The following CPEB3 variants were observed in gnomAD, a reference collection of about 807,000 sequenced individuals.
The protein encoded by CPEB3 is cytoplasmic polyadenylation element-binding protein 3.
CPEB3 carries 20 observed loss-of-function variants against 67.2 expected under a neutral mutation model. The observed-to-expected ratio is 0.30, with a 90% confidence interval of 0.21 to 0.43. CPEB3 has a LOEUF of 0.43. Ranked by LOEUF, CPEB3 falls within the 20% of genes least tolerant of loss-of-function variation. CPEB3 has a pLI of 1.00. For synonymous variants in CPEB3, 376 were observed against 393.1 expected, an observed-to-expected ratio of 0.96 and a Z score of 0.51; for missense variants, 746 against 968.6, an observed-to-expected ratio of 0.77 and a Z score of 3.05.
At chr10:92,112,527 G>C (rs1271361787) in intron 6 of CPEB3, among the ~76,000 whole-genome samples, 2 of 152,226 alleles carry the variant, frequency 1.3e-5, no homozygotes, top group African/African-American at 4.8e-5. Flanking sequence ...AGCTGAGGGA[G>C]ATAAGTGGGG....
intron 1 of CPEB3, among the ~76,000 whole-genome samples, chr10:92,279,892 C>G (rs1842181239): frequency 6.6e-6 from 1 of 152,038 alleles, no homozygotes; most frequent in South Asian, 2.1e-4. Flanking sequence ...TGCCTGTAAT[C>G]CCAGCTAACT....
intron 1 of CPEB3, among the ~76,000 whole-genome samples, chr10:92,251,474 A>G (rs914485374): frequency 6.6e-6 from 1 of 152,190 alleles, no homozygotes; most frequent in African/African-American, 2.4e-5. Context: ...GCAAATAAAC[A>G]GAACAAAATT....
chr10:92,079,887 T>C (rs1843071144), intron 9 of CPEB3, among the ~76,000 whole-genome samples: 2 of 152,174 alleles, frequency 1.3e-5, no homozygotes, highest in African/African-American at 4.8e-5. Context: ...CACTGCACAG[T>C]TGCACAGGCA....
chr10:92,098,160 T>TAAAAA lies in CPEB3; in HGVS notation c.1573-6221_1573-6217dup, dbSNP rs1166249584. Among the ~76,000 whole-genome samples the TAAAAA allele has an allele frequency of 3.2e-3, 116 of 36,124 alleles. 9 individuals carry two copies. Among genetic ancestry groups the TAAAAA allele is most frequent in the Admixed American group, 4.1e-3 (9 of 2,186 alleles). 23.7% of individuals were successfully genotyped at this position (36,124 alleles called of 152,430 possible). On this transcript the variant is annotated intron_variant, in intron 7 of 9. Coordinates refer to ENST00000265997, the MANE Select transcript of CPEB3 (RefSeq NM_014912.5). ...TGGGCAACAAGAGTGACACTCTGCC[T>TAAAAA]AAAAAAAAAAAAAAAAAAAAAAAAA...
intron 2 of CPEB3, among the ~76,000 whole-genome samples, chr10:92,234,927 GA>G (rs752912108): frequency 5.9e-5 from 9 of 151,774 alleles, no homozygotes; most frequent in Non-Finnish European, 1.3e-4. Context: ...TCCATCCCCC[GA>G]AAAAACAAAA....
At chr10:92,226,766 G>C (rs963063933) in intron 2 of CPEB3, among the ~76,000 whole-genome samples, 4 of 151,776 alleles carry the variant, frequency 2.6e-5, no homozygotes, top group Non-Finnish European at 5.9e-5. Context: ...GGAGGGGCAA[G>C]AGAGAGGGCT....
In CPEB3 at chr10:92,239,526, G is replaced by A. The variant is rs1244912465; in HGVS notation, c.825C>T (p.Gly275=). The stretch of plus-strand genomic sequence containing the variant: ...AAGGCACCCCGACACCCACACCCAC[G>A]CCCACACCGACCGCCCGGCGAGGGT... The part of the protein sequence containing the change: ...GRDPRRAVGV[G]VGVGVGVPSP... Residue 275 remains glycine, a synonymous_variant, in exon 2 of 10, where the codon GGC becomes GGT. Coordinates refer to ENST00000265997, the MANE Select transcript of CPEB3 (RefSeq NM_014912.5). The surrounding 1 kb of genome is among the most constrained non-coding windows in gnomAD (Gnocchi z 6.0). 1.3e-6 allele frequency: 2 copies of A among 1,564,280 alleles called. No individual in the cohort carries two copies. The highest frequency in any genetic ancestry group is 1.9e-5 in the Admixed American group (1 of 52,094).
chr10:92,131,861 A>G (rs1845857103), intron 6 of CPEB3, among the ~76,000 whole-genome samples: 2 of 152,308 alleles, frequency 1.3e-5, no homozygotes, highest in East Asian at 1.9e-4. Context: ...GGTCATACAA[A>G]AACAGGTAGT....
At chr10:92,085,643 C>T (rs1843339173) in intron 8 of CPEB3, among the ~76,000 whole-genome samples, 1 of 152,156 alleles carries the variant, frequency 6.6e-6, no homozygotes, top group Admixed American at 6.6e-5. Flanking sequence ...GAATCTCGCT[C>T]TATCGCTCAG....
At chr10:92,126,909 G>T (rs1845629942) in intron 6 of CPEB3, among the ~76,000 whole-genome samples, 1 of 152,128 alleles carries the variant, frequency 6.6e-6, no homozygotes, top group Non-Finnish European at 1.5e-5. Flanking sequence ...AAATGTGGTG[G>T]GTTCTATTCT....
At chr10:92,188,343 A>C (rs1848796720) in intron 3 of CPEB3, among the ~76,000 whole-genome samples, 2 of 149,504 alleles carry the variant, frequency 1.3e-5, no homozygotes, top group African/African-American at 2.4e-5. Flanking sequence ...AAAAAAAAAA[A>C]AAAAAAAAAC....
At chr10:92,151,373 A>T (rs1348494219) in intron 4 of CPEB3, among the ~76,000 whole-genome samples, 2 of 152,182 alleles carry the variant, frequency 1.3e-5, no homozygotes, top group Non-Finnish European at 2.9e-5. Flanking sequence ...GGGTTTAAGA[A>T]AAAGGAATTA....
intron 2 of CPEB3, among the ~76,000 whole-genome samples, chr10:92,217,722 A>T (rs1250204571): frequency 6.6e-6 from 1 of 152,238 alleles, no homozygotes; most frequent in East Asian, 1.9e-4. Flanking sequence ...AGATCGTGCC[A>T]TTGCACTCCA....
intron 1 of CPEB3, among the ~76,000 whole-genome samples, chr10:92,282,684 C>CA (rs945374260): frequency 1.4e-4 from 20 of 142,310 alleles, no homozygotes; most frequent in South Asian, 4.4e-4. Context: ...GATCCCATCT[C>CA]AAAAAAAAAA....
intron 2 of CPEB3, among the ~76,000 whole-genome samples, chr10:92,199,181 CG>C (rs1849384210): frequency 2.0e-5 from 3 of 150,814 alleles, no homozygotes; most frequent in Non-Finnish European, 2.9e-5. Flanking sequence ...CACCTGAGGT[CG>C]GGAGTTCGAG....
intron 9 of CPEB3, among the ~76,000 whole-genome samples, chr10:92,074,353 G>A (rs1842863277): frequency 6.6e-6 from 1 of 152,170 alleles, no homozygotes. Flanking sequence ...TGTGTATACT[G>A]TAGTTACACT....
At chr10:92,069,511 C>T (rs1425010414) in intron 9 of CPEB3, among the ~76,000 whole-genome samples, 1 of 152,106 alleles carries the variant, frequency 6.6e-6, no homozygotes, top group Non-Finnish European at 1.5e-5. Flanking sequence ...TCAAGTGATT[C>T]TCCTGCCGTA....
chr10:92,213,485 T>C (rs977727537), intron 2 of CPEB3, among the ~76,000 whole-genome samples: 3 of 152,200 alleles, frequency 2.0e-5, no homozygotes, highest in Non-Finnish European at 2.9e-5. Flanking sequence ...TCCATACTTG[T>C]AGCAATCTAC....
intron 2 of CPEB3, among the ~76,000 whole-genome samples, chr10:92,235,392 G>A (rs570796618): frequency 6.6e-6 from 1 of 151,874 alleles, no homozygotes; most frequent in Admixed American, 6.6e-5. Flanking sequence ...GCTGCAGTGA[G>A]CCAACATAAC....
Sources: allele counts gnomAD v4.1 joint callset (sites outside exome capture counted in the v4.1 genomes callset), GRCh38; gene constraint gnomAD v4.1.1; non-coding constraint Gnocchi (gnomAD v3.1); transcripts MANE v1.5; gene names NCBI Gene and HGNC (gene_info 2026-07-23, HGNC 2026-07-21).